The following CDC123 variants were observed in gnomAD, a reference collection of about 807,000 sequenced individuals.
CDC123 encodes the protein cell division cycle 123.
CDC123 carries 37 observed loss-of-function variants against 54.4 expected under a neutral mutation model. The observed-to-expected ratio is 0.68, with a 90% CI of 0.52 to 0.89. The LOEUF (loss-of-function observed/expected upper bound fraction) is 0.89. Ranked by LOEUF, CDC123 falls within the 40% of genes least tolerant of loss-of-function variation. The pLI is 0.00. For synonymous variants in CDC123, 144 were observed against 136.8 expected (o/e 1.05, Z -0.37); for missense variants, 361 against 412.1 (o/e 0.88, Z 1.07).
chr10:12,249,669 A>G lies in CDC123; in HGVS notation c.935A>G (p.Asp312Gly). 1.2e-6 allele frequency: 2 copies of G among 1,614,082 alleles called. No individual in the cohort carries two copies. Among genetic ancestry groups the G allele is most frequent in the Non-Finnish European group, 1.7e-6 (2 of 1,180,014 alleles). The change falls in exon 12 of 13, where the codon GAC becomes GGC. Residue 312 changes from aspartate to glycine, a missense_variant. By Grantham distance (94) the Asp-to-Gly change is moderately conservative (BLOSUM62 -1). Transcript: ENST00000281141. ...TACCGGCTACCCAAGGACTTTGTAGACCTCTCTACTGGGGAGGACGCTCAC... is the reference window on the plus strand; with the variant it reads ...TACCGGCTACCCAAGGACTTTGTAGGCCTCTCTACTGGGGAGGACGCTCAC... ...LSYRLPKDFVDLSTGEDAHKL... is the reference protein window; with the variant it reads ...LSYRLPKDFVGLSTGEDAHKL...
intron 2 of CDC123, among the ~76,000 whole-genome samples, chr10:12,201,615 C>T (rs545087445): frequency 1.3e-5 from 2 of 151,792 alleles, no homozygotes; most frequent in South Asian, 4.2e-4. Context: ...GGGTAAGTGG[C>T]ATGAGATTCA....
chr10:12,214,562 A>C (rs1054711416), intron 4 of CDC123, among the ~76,000 whole-genome samples: 1 of 152,234 alleles, frequency 6.6e-6, no homozygotes, highest in African/African-American at 2.4e-5. Context: ...ACAGAAAGAA[A>C]GGCAGCCTAA....
In CDC123 at chr10:12,249,591, CT is replaced by C. The variant is rs1392894937; in HGVS notation, c.860del (p.Phe287SerfsTer8). The C allele has an allele frequency of 6.2e-7, 1 of 1,612,566 alleles. No individual in the cohort carries two copies. The highest frequency in any genetic ancestry group is 8.5e-7 in the Non-Finnish European group (1 of 1,179,658). ...EVDAQEQDSP[A>X]FRCTNSEVTV... is the part of the protein sequence containing the mutation. ...TTCTTCTTTGTACAGGATTCCCCAG[CT>C]TTCCGTTGCACAAACAGTGAAGTGA... On this transcript the variant is annotated frameshift_variant, in exon 12 of 13. Transcript: ENST00000281141. LOFTEE classifies it high-confidence loss of function.
At chr10:12,225,122 C>T (rs140908636) in intron 6 of CDC123, among the ~76,000 whole-genome samples, 28 of 152,224 alleles carry the variant, frequency 1.8e-4, no homozygotes, top group African/African-American at 4.8e-4. Flanking sequence ...GGGCTGGGTG[C>T]GGTGGCTCAC....
At chr10:12,233,255 C>T (rs1835926236) in intron 7 of CDC123, among the ~76,000 whole-genome samples, 1 of 148,636 alleles carries the variant, frequency 6.7e-6, no homozygotes, top group Non-Finnish European at 1.5e-5. Flanking sequence ...GTATCATTTT[C>T]TCCTGTCTGT....
At chr10:12,236,883 T>G (rs1164038285) in intron 8 of CDC123, among the ~76,000 whole-genome samples, 1 of 134,106 alleles carries the variant, frequency 7.5e-6, no homozygotes, top group African/African-American at 2.8e-5. Flanking sequence ...AGAGTGAGAC[T>G]CCGTCTCAAA....
intron 12 of CDC123, chr10:12,249,950 A>G: frequency 1.9e-6 from 1 of 527,838 alleles, no homozygotes; most frequent in Non-Finnish European, 3.2e-6. Context: ...CCTTTTGAAC[A>G]TTTTTCAAAA....
intron 6 of CDC123, among the ~76,000 whole-genome samples, chr10:12,226,458 G>T (rs1012023097): frequency 1.3e-5 from 2 of 152,102 alleles, no homozygotes; most frequent in African/African-American, 4.8e-5. Context: ...TCACTTCCCA[G>T]ACGGGGCGGC....
At chr10:12,212,163 T>G (rs1835611721) in intron 4 of CDC123, among the ~76,000 whole-genome samples, 1 of 152,228 alleles carries the variant, frequency 6.6e-6, no homozygotes, top group South Asian at 2.1e-4. Context: ...TGTGTGTGTG[T>G]ATTTACCAAA....
intron 8 of CDC123, among the ~76,000 whole-genome samples, chr10:12,236,363 C>T (rs1410653582): frequency 1.3e-5 from 2 of 152,104 alleles, no homozygotes; most frequent in Non-Finnish European, 2.9e-5. Flanking sequence ...GTTTGAGAGG[C>T]CAAGGCTGGA....
At chr10:12,209,817 G>C (rs970032256) in intron 2 of CDC123, 150 bp from the exon 3 acceptor site, 3 of 703,804 alleles carry the variant, frequency 4.3e-6, no homozygotes, top group Non-Finnish European at 2.5e-6. Flanking sequence ...CACTCACTCA[G>C]CCTGCCAGAG....
chr10:12,215,571 A>G (rs1835651508), intron 4 of CDC123, among the ~76,000 whole-genome samples, 169 bp from the exon 5 acceptor site: 1 of 152,156 alleles, frequency 6.6e-6, no homozygotes, highest in African/African-American at 2.4e-5. Flanking sequence ...TTTTTGGTAA[A>G]TGTACTTTAT....
intron 1 of CDC123, among the ~76,000 whole-genome samples, chr10:12,197,203 C>G (rs1272721740): frequency 6.6e-6 from 1 of 151,984 alleles, no homozygotes; most frequent in African/African-American, 2.4e-5. Flanking sequence ...CTTAGGAAGG[C>G]TTATTTGTAA....
intron 1 of CDC123, 123 bp downstream of exon 1, chr10:12,196,442 G>A (rs993044262): frequency 7.8e-7 from 1 of 1,284,526 alleles, no homozygotes. Flanking sequence ...AGTGTGTCGA[G>A]AGGGAAGTAC....
chr10:12,200,367 C>T (rs1344429301), intron 2 of CDC123, among the ~76,000 whole-genome samples: 1 of 151,406 alleles, frequency 6.6e-6, no homozygotes, highest in Non-Finnish European at 1.5e-5. Context: ...CTCAGGTGAT[C>T]CACCTGCTTC....
chr10:12,242,322 G>T (rs562910180), intron 10 of CDC123, among the ~76,000 whole-genome samples: 1 of 152,292 alleles, frequency 6.6e-6, no homozygotes, highest in East Asian at 1.9e-4. Context: ...AGGCTCTCCT[G>T]TGTGCCTCTC....
At chr10:12,221,244 G>C (rs1012941094) in intron 6 of CDC123, among the ~76,000 whole-genome samples, 5 of 146,572 alleles carry the variant, frequency 3.4e-5, no homozygotes, top group Non-Finnish European at 6.0e-5. Context: ...TGGAGATTGG[G>C]TATTTTTAGG....
At position 12,211,694 on chromosome 10, in the gene CDC123, A is replaced by G. The variant is rs999884518; in HGVS notation, c.237+1372A>G. Among the ~76,000 whole-genome samples the G allele has an allele frequency of 2.6e-5, 4 of 152,354 alleles. No homozygotes were observed. The South Asian group carries it at 8.3e-4, about 32-fold the overall frequency. On this transcript the variant is annotated intron_variant, in intron 4 of 12. Transcript: ENST00000281141. The stretch of plus-strand genomic sequence containing the variant: ...GGTGACACAGGCAGGGGGAGATGAC[A>G]GTGCTGTCAGATCAGAGACAGCAGT...
In CDC123 at chr10:12,250,554, A is replaced by G. The variant is rs2131776349; in HGVS notation, c.*217A>G. 2 of 549,132 alleles carry G rather than the reference A, an allele frequency of 3.6e-6. No homozygotes were observed. Among genetic ancestry groups the G allele is most frequent in the Non-Finnish European group, 6.7e-6 (2 of 299,710 alleles). 34.0% of individuals were successfully genotyped at this position (549,132 alleles called of 1,614,324 possible). A position where few individuals can be genotyped will look rare whatever the true frequency, so the allele number is the denominator to read the frequency against. ...AATAGATCTTAAACATAGGAAAACC[A>G]TACTGTTCTGATAATAAAATGCTTT... On this transcript the variant is annotated 3_prime_UTR_variant, in exon 13 of 13. Transcript: ENST00000281141.
Sources: gnomAD v4.1 joint callset for allele counts (sites outside exome capture counted in the v4.1 genomes callset) on GRCh38, gnomAD v4.1.1 for gene constraint, MANE v1.5 for transcripts, NCBI Gene and HGNC (gene_info 2026-07-23, HGNC 2026-07-21) for gene names.